PIK3C2G: variants seen among roughly 807,000 people sequenced by gnomAD.
PIK3C2G encodes the protein phosphatidylinositol 3-kinase C2 domain-containing subunit gamma.
PIK3C2G carries 168 observed loss-of-function variants against 181.1 expected under a neutral mutation model. The observed-to-expected ratio is 0.93, with a 90% CI of 0.82 to 1.05. The LOEUF (loss-of-function observed/expected upper bound fraction) is 1.05. PIK3C2G is among the 50% of genes least tolerant of loss of function. PIK3C2G has a pLI of 0.00. For missense variants in PIK3C2G, 1,869 were observed against 1,732.8 expected, an observed-to-expected ratio of 1.08 and a Z score of -1.40; for synonymous variants, 573 against 592.2, an observed-to-expected ratio of 0.97 and a Z score of 0.47.
chr12:18,725,934 G>T, the PIK3C2G span, among the ~76,000 whole-genome samples: 2 of 152,110 alleles, frequency 1.3e-5, no homozygotes, highest in Non-Finnish European at 2.9e-5. Flanking sequence ...GTTCTTAGAA[G>T]ACTCCACTTT....
chr12:18,253,138 A>C (rs1948111019), intron 1 of PIK3C2G, among the ~76,000 whole-genome samples: 1 of 152,186 alleles, frequency 6.6e-6, no homozygotes, highest in South Asian at 2.1e-4. Context: ...CAAAGAATAG[A>C]TTTTTTAAAG....
chr12:18,294,845 T>G (rs1949863754), intron 5 of PIK3C2G, among the ~76,000 whole-genome samples: 1 of 151,900 alleles, frequency 6.6e-6, no homozygotes, highest in South Asian at 2.1e-4. Context: ...CTCATGGAAG[T>G]AAAAATGTAT....
chr12:18,605,475 C>G (rs1947968101), intron 30 of PIK3C2G, among the ~76,000 whole-genome samples: 1 of 152,080 alleles, frequency 6.6e-6, no homozygotes, highest in Non-Finnish European at 1.5e-5. Flanking sequence ...TGGTACCAAT[C>G]CTTTTGACAC....
At chr12:18,270,068 C>T (rs1367550361) in intron 1 of PIK3C2G, among the ~76,000 whole-genome samples, 1 of 151,866 alleles carries the variant, frequency 6.6e-6, no homozygotes, top group East Asian at 1.9e-4. Context: ...AGCCACCACG[C>T]CCGGCTAATT....
intron 25 of PIK3C2G, among the ~76,000 whole-genome samples, chr12:18,543,090 G>A (rs543620105): frequency 1.7e-4 from 26 of 152,082 alleles, no homozygotes; most frequent in African/African-American, 5.3e-4. Flanking sequence ...ATTCTGACTG[G>A]TGTGAGATGG....
the PIK3C2G span, among the ~76,000 whole-genome samples, chr12:18,664,847 G>A: frequency 6.6e-6 from 1 of 151,528 alleles, no homozygotes; most frequent in Non-Finnish European, 1.5e-5. Context: ...ATGAGTTCAT[G>A]TCCTTTGTAG....
chr12:18,722,790 A>C, the PIK3C2G span, among the ~76,000 whole-genome samples: 1 of 152,100 alleles, frequency 6.6e-6, no homozygotes, highest in African/African-American at 2.4e-5. Context: ...ACAAGCGAAA[A>C]GTATATATAT....
rs1950162628 is a variant in PIK3C2G, at chr12:18,646,813, G to T, written c.4309-1063G>T. On this transcript the variant is annotated intron_variant, in intron 32 of 32. Coordinates refer to ENST00000538779, the MANE Select transcript of PIK3C2G (RefSeq NM_001288772.2). The stretch of plus-strand genomic sequence containing the variant: ...ATGATAAATAACTAATTTCTTAGCG[G>T]TACTATGCCTTTACGTTGCTTTACC... Among the ~76,000 whole-genome samples, 3 of 151,868 alleles carry T rather than the reference G, an allele frequency of 2.0e-5. 1 individual carries two copies. Among genetic ancestry groups the T allele is most frequent in the Admixed American group, 2.0e-4 (3 of 15,220 alleles).
At chr12:18,530,061 C>T (rs894376153) in intron 24 of PIK3C2G, among the ~76,000 whole-genome samples, 2 of 152,088 alleles carry the variant, frequency 1.3e-5, no homozygotes, top group Non-Finnish European at 2.9e-5. Context: ...TGTCTGTGGC[C>T]ATCCCACTAT....
At chr12:18,246,529 C>A (rs570880422), upstream of PIK3C2G, among the ~76,000 whole-genome samples, 1 of 151,556 alleles carries the variant, frequency 6.6e-6, no homozygotes, top group Non-Finnish European at 1.5e-5. Context: ...GTTAGATTCC[C>A]GGATTTATAA....
At chr12:18,274,641 C>T (rs1040992206) in intron 1 of PIK3C2G, among the ~76,000 whole-genome samples, 3 of 151,314 alleles carry the variant, frequency 2.0e-5, no homozygotes, top group African/African-American at 4.9e-5. Flanking sequence ...CATCACACCC[C>T]AGGGACTGTT....
chr12:18,696,010 C>T, the PIK3C2G span: 11,498 of 547,732 alleles, frequency 0.021, 208 homozygotes, highest in Middle Eastern at 0.043. Flanking sequence ...ACACATGACC[C>T]ACCATTAGTG....
At chr12:18,611,090 G>A (rs552970012) in intron 31 of PIK3C2G, among the ~76,000 whole-genome samples, 40 of 152,118 alleles carry the variant, frequency 2.6e-4, no homozygotes, top group African/African-American at 9.6e-4. Context: ...ACTTTTGACA[G>A]TTTTCAAAAA....
At chr12:18,340,541 T>A (rs745558936) in intron 9 of PIK3C2G, among the ~76,000 whole-genome samples, 13 of 152,156 alleles carry the variant, frequency 8.5e-5, no homozygotes, top group Non-Finnish European at 1.5e-4. Context: ...AACAAGGTAG[T>A]GAGAATTAAC....
the PIK3C2G span, among the ~76,000 whole-genome samples, chr12:18,721,665 G>C: frequency 6.6e-6 from 1 of 150,650 alleles, no homozygotes; most frequent in Non-Finnish European, 1.5e-5. Context: ...TAAAGAGCTT[G>C]AGCCAGAACA....
At chr12:18,271,871 C>T (rs560908836) in intron 1 of PIK3C2G, among the ~76,000 whole-genome samples, 1 of 152,240 alleles carries the variant, frequency 6.6e-6, no homozygotes, top group East Asian at 1.9e-4. Context: ...ATGAATCATG[C>T]TACCTAATAC....
At chr12:18,662,067 C>G in the PIK3C2G span, among the ~76,000 whole-genome samples, 3 of 152,004 alleles carry the variant, frequency 2.0e-5, no homozygotes, top group African/African-American at 7.2e-5. Context: ...TAAGTAGGAA[C>G]TAAATCTTGA....
the PIK3C2G span, among the ~76,000 whole-genome samples, chr12:18,713,313 C>G: frequency 6.6e-6 from 1 of 152,090 alleles, no homozygotes; most frequent in Non-Finnish European, 1.5e-5. Context: ...CATCCCTACT[C>G]CCAACCCATA....
chr12:18,667,096 C>T, the PIK3C2G span, among the ~76,000 whole-genome samples: 2 of 151,970 alleles, frequency 1.3e-5, no homozygotes, highest in African/African-American at 4.8e-5. Context: ...AAACACTAGG[C>T]TTAAATGGAG....
Sources: gnomAD v4.1 joint callset for allele counts (sites outside exome capture counted in the v4.1 genomes callset) on GRCh38, gnomAD v4.1.1 for gene constraint, MANE v1.5 for transcripts, NCBI Gene and HGNC (gene_info 2026-07-23, HGNC 2026-07-21) for gene names.